Variants in SMC5 observed in about 807,000 individuals in gnomAD.
SMC5 encodes the protein structural maintenance of chromosomes 5.
Under a neutral mutation model 148.3 loss-of-function variants are expected in SMC5, and 88 were observed. That is an observed-to-expected ratio of 0.59 (90% confidence interval 0.50 to 0.71). The LOEUF (loss-of-function observed/expected upper bound fraction) is 0.71, where lower values mean the gene tolerates loss of function less well. SMC5 is among the 30% of genes least tolerant of loss of function. The pLI is 0.00. For missense variants in SMC5, 1,142 were observed against 1,298.9 expected, an observed-to-expected ratio of 0.88 and a Z score of 1.86; for synonymous variants, 421 against 432.8, an observed-to-expected ratio of 0.97 and a Z score of 0.34.
intron 16 of SMC5, 111 bp from the exon 17 acceptor site, chr9:70,323,910 T>A: frequency 9.5e-7 from 1 of 1,055,536 alleles, no homozygotes; most frequent in Non-Finnish European, 1.3e-6. Flanking sequence ...TCAGGCACAA[T>A]AGGAAAATTA....
At position 70,347,088 on chromosome 9, in the gene SMC5, C is replaced by T; in HGVS notation, c.2591C>T (p.Thr864Ile). The T allele has an allele frequency of 1.9e-6, 3 of 1,613,792 alleles. No homozygotes were observed. The Middle Eastern group carries it at 4.9e-4, about 266-fold the overall frequency. ...TAGGTTTTCCAAGACCTTCCAAACA[C>T]ATTGGATGAAATTGATGCTTTATTA... ...LPMVFQDLPN[T>I]LDEIDALLTE... The change falls in exon 20 of 25, where the codon ACA (threonine) becomes ATA (isoleucine). Residue 864 changes from threonine to isoleucine, a missense_variant. Thr to Ile is a moderately conservative substitution (Grantham distance 89). Around this residue, in one of 5 missense-constraint regions of SMC5, gnomAD observed 743 missense variants for 835.7 expected, o/e 0.89. Transcript: ENST00000361138.
chr9:70,318,289 G>C (rs933236467), intron 13 of SMC5, among the ~76,000 whole-genome samples: 1 of 152,180 alleles, frequency 6.6e-6, no homozygotes, highest in South Asian at 2.1e-4. Flanking sequence ...TCAGGAGGCT[G>C]AAGTGGAAGG....
intron 17 of SMC5, 43 bp from the exon 18 acceptor site, chr9:70,344,101 T>A (rs145723723): frequency 2.3e-6 from 3 of 1,298,846 alleles, no homozygotes; most frequent in African/African-American, 3.1e-5. Context: ...TCCCTCTGCT[T>A]TAACATTAAC....
At chr9:70,308,422 T>G (rs2035563263) in intron 11 of SMC5, among the ~76,000 whole-genome samples, 1 of 151,290 alleles carries the variant, frequency 6.6e-6, no homozygotes, top group Non-Finnish European at 1.5e-5. Context: ...TGAAACCCTG[T>G]GTCTACTAAA....
At chr9:70,310,932 A>G (rs2035640768) in intron 11 of SMC5, 2 of 152,266 alleles carry the variant, frequency 1.3e-5, no homozygotes, top group Non-Finnish European at 2.9e-5. Context: ...TCAGCCATCA[A>G]ATAATTGAAA....
chr9:70,260,174 G>T (rs147195979), intron 1 of SMC5, among the ~76,000 whole-genome samples: 1 of 151,770 alleles, frequency 6.6e-6, no homozygotes, highest in South Asian at 2.1e-4. Context: ...GCGCAATCTC[G>T]GCTCACTGCA....
chr9:70,284,414 C>G (rs1464469972), intron 7 of SMC5, among the ~76,000 whole-genome samples: 1 of 152,128 alleles, frequency 6.6e-6, no homozygotes, highest in African/African-American at 2.4e-5. Context: ...ACGACTTCCT[C>G]AAGGATATGA....
chr9:70,347,216 C>T (rs2036687338), intron 20 of SMC5, 55 bp downstream of exon 20: 5 of 1,275,654 alleles, frequency 3.9e-6, no homozygotes, highest in African/African-American at 3.0e-5. Flanking sequence ...CCACCCTCCC[C>T]ATACACACAC....
intron 5 of SMC5, 98 bp from the exon 6 acceptor site, chr9:70,280,661 T>C (rs1459493490): frequency 1.8e-5 from 20 of 1,117,362 alleles, no homozygotes; most frequent in Admixed American, 2.4e-5. Context: ...GAATTCTTTA[T>C]TGTGAAATTT....
chr9:70,282,958 T>C (rs1295878505), intron 7 of SMC5, among the ~76,000 whole-genome samples: 2 of 152,204 alleles, frequency 1.3e-5, no homozygotes, highest in Admixed American at 1.3e-4. Flanking sequence ...GAATAGATAA[T>C]AGAATAATAT....
chr9:70,330,487 A>G (rs1309983940), intron 17 of SMC5, among the ~76,000 whole-genome samples: 1 of 152,002 alleles, frequency 6.6e-6, no homozygotes, highest in Non-Finnish European at 1.5e-5. Context: ...ACTCTGTAGG[A>G]TAAATAATTT....
At chr9:70,259,586 T>A (rs574009547) in intron 1 of SMC5, among the ~76,000 whole-genome samples, 1 of 152,302 alleles carries the variant, frequency 6.6e-6, no homozygotes, top group East Asian at 1.9e-4. Context: ...GCGGCCCTGG[T>A]CTGGAATTCA....
At position 70,300,117 on chromosome 9, in the gene SMC5, C is replaced by A. The variant is rs372120847; in HGVS notation, c.1381C>A (p.Arg461Ser). Reference sequence around the variant, plus strand: ...GGAAGATAAGCTAAGACAGAGATTCCGTGACACGTATGATGCTGTTTTATG... The same window carrying A: ...GGAAGATAAGCTAAGACAGAGATTCAGTGACACGTATGATGCTGTTTTATG... ...QKEDKLRQRF[R>S]DTYDAVLWLR... The change falls in exon 10 of 25, where the codon CGT becomes AGT. Residue 461 changes from arginine to serine, a missense_variant. Around this residue, in one of 5 missense-constraint regions of SMC5, gnomAD observed 743 missense variants for 835.7 expected, o/e 0.89. Coordinates refer to ENST00000361138, the MANE Select transcript of SMC5 (RefSeq NM_015110.4). The A allele has an allele frequency of 1.5e-5, 24 of 1,602,882 alleles. No individual in the cohort carries two copies. The highest frequency in any genetic ancestry group is 2.0e-5 in the Non-Finnish European group (23 of 1,176,700).
At chr9:70,282,200 G>C (rs1012120249) in intron 6 of SMC5, among the ~76,000 whole-genome samples, 1 of 152,084 alleles carries the variant, frequency 6.6e-6, no homozygotes, top group Admixed American at 6.5e-5. Context: ...CTGAACTGGT[G>C]ATAGAAATAA....
chr9:70,291,487 G>A (rs560562543), intron 8 of SMC5, among the ~76,000 whole-genome samples: 1 of 152,232 alleles, frequency 6.6e-6, no homozygotes, highest in African/African-American at 2.4e-5. Context: ...ACATAGCCCT[G>A]GGCATGCACA....
Position 70,314,818 on chromosome 9 carries a change from G to C in SMC5, c.1655G>C (p.Arg552Thr). Reference protein sequence around the residue: ...KSSYADKAPSRSLNELKQYGF... With the variant: ...KSSYADKAPSTSLNELKQYGF... Reference sequence around the variant, plus strand: ...TCATATGCAGACAAAGCACCTTCAAGATCTTTGAATGAACTTAAGTAAGTC... The same window carrying C: ...TCATATGCAGACAAAGCACCTTCAACATCTTTGAATGAACTTAAGTAAGTC... The change falls in exon 12 of 25, where the codon AGA becomes ACA. Residue 552 changes from arginine (R) to threonine (T), a missense_variant. Arg to Thr is a moderately conservative substitution (Grantham distance 71). This residue lies in a region of SMC5 where 743 missense variants were observed against 835.7 expected (regional missense o/e 0.89). Coordinates refer to ENST00000361138, the MANE Select transcript of SMC5 (RefSeq NM_015110.4). 1.3e-6 allele frequency: 2 copies of C among 1,552,998 alleles called. No homozygotes were observed. The highest frequency in any genetic ancestry group is 1.7e-6 in the Non-Finnish European group (2 of 1,145,714).
chr9:70,271,188 C>G (rs1360762532), intron 3 of SMC5, among the ~76,000 whole-genome samples: 1 of 151,878 alleles, frequency 6.6e-6, no homozygotes, highest in Non-Finnish European at 1.5e-5. Context: ...CAGGGATACT[C>G]AACCTGTATA....
intron 3 of SMC5, among the ~76,000 whole-genome samples, chr9:70,272,643 G>A (rs1383922485): frequency 6.6e-6 from 1 of 152,166 alleles, no homozygotes; most frequent in Non-Finnish European, 1.5e-5. Flanking sequence ...CTGAGCTGAA[G>A]ATAAACACAT....
intron 11 of SMC5, among the ~76,000 whole-genome samples, chr9:70,312,852 T>G (rs949939609): frequency 6.6e-6 from 1 of 152,222 alleles, no homozygotes; most frequent in Non-Finnish European, 1.5e-5. Context: ...ATTTTTGCTT[T>G]TGTATTCCTG....
Sources: allele counts gnomAD v4.1 joint callset (sites outside exome capture counted in the v4.1 genomes callset), GRCh38; gene constraint gnomAD v4.1.1; regional missense constraint gnomAD v4.1.1; transcripts MANE v1.5; gene names NCBI Gene and HGNC (gene_info 2026-07-23, HGNC 2026-07-21).